Variants in ZNF835 observed in about 807,000 individuals in gnomAD.
ZNF835 encodes the protein zinc finger protein 835.
For synonymous variants in ZNF835, 323 were observed against 324.7 expected (o/e 0.99, Z 0.06); for missense variants, 783 against 758.4 (o/e 1.03, Z -0.38).
Position 56,663,862 on chromosome 19 carries a change from TA to T in ZNF835, c.1336del (p.Tyr446ThrfsTer16). ...GGCCTTGCCGCACTCGGGGCAGGTG[TA>T]GGGCCGCTCGCCCGTGTGCGTGCGC... ...HQRTHTGERPYTCPECGKAFS... is the reference protein window; with the variant it reads ...HQRTHTGERPXTCPECGKAFS... On this transcript the variant is annotated frameshift_variant, in exon 2 of 2. Transcript: ENST00000537055. LOFTEE classifies it low-confidence loss of function (END_TRUNC). The T allele has an allele frequency of 6.2e-7, 1 of 1,613,284 alleles. No individual in the cohort carries two copies. The highest frequency in any genetic ancestry group is 8.5e-7 in the Non-Finnish European group (1 of 1,179,834).
Position 56,663,606 on chromosome 19 carries a change from C to G in ZNF835, c.1593G>C (p.Pro531=). ...TCQQGCPGRN[P]RGPAED ...GCTCTTAATCTTCTGCTGGTCCACG[C>G]GGGTTTCTGCCAGGGCACCCCTGTT... Residue 531 remains proline (P), a synonymous_variant, in exon 2 of 2, where the codon CCG becomes CCC. Coordinates refer to ENST00000537055, the MANE Select transcript of ZNF835 (RefSeq NM_001005850.3). 6.2e-7 allele frequency: 1 copy of G among 1,614,014 alleles called. No individual in the cohort carries two copies. Among genetic ancestry groups the G allele is most frequent in the South Asian group, 1.1e-5 (1 of 91,090 alleles).
rs1450720043 is a variant in ZNF835, at chr19:56,664,998, A to G, written c.201T>C (p.Pro67=). Residue 67 remains proline, a synonymous_variant, in exon 2 of 2, where the codon CCT becomes CCC. Coordinates refer to ENST00000537055, the MANE Select transcript of ZNF835 (RefSeq NM_001005850.3). ...FSRIPRTISS[P]AATQASVPDD... is the part of the protein sequence containing the mutation. ...CGGGGACACTGGCTTGGGTAGCAGC[A>G]GGGCTCGATATGGTTCTTGGGATTC... 6.2e-7 allele frequency: 1 copy of G among 1,614,040 alleles called. No individual in the cohort carries two copies. The highest frequency in any genetic ancestry group is 8.5e-7 in the Non-Finnish European group (1 of 1,179,890).
At chr19:56,666,003 A>C (rs1184829379) in intron 1 of ZNF835, among the ~76,000 whole-genome samples, 1 of 149,318 alleles carries the variant, frequency 6.7e-6, no homozygotes, top group Non-Finnish European at 1.5e-5. Flanking sequence ...GTGCCCCCTC[A>C]AAATTTATAC....
At chr19:56,670,642 C>A (rs2148059696) in intron 1 of ZNF835, among the ~76,000 whole-genome samples, 1 of 152,338 alleles carries the variant, frequency 6.6e-6, no homozygotes, top group Non-Finnish European at 1.5e-5. Flanking sequence ...TGGGACACAC[C>A]CACAGGGGAT....
rs2045227451 is a variant in ZNF835 at position 56,664,679 on chromosome 19, C to T, written c.520G>A (p.Ala174Thr). 1.2e-6 allele frequency: 2 copies of T among 1,611,702 alleles called. No homozygotes were observed. The highest frequency in any genetic ancestry group is 1.7e-6 in the Non-Finnish European group (2 of 1,179,032). The change falls in exon 2 of 2, where the codon GCC (alanine) becomes ACC (threonine). Residue 174 changes from alanine (A) to threonine (T), a missense_variant. Coordinates refer to ENST00000537055, the MANE Select transcript of ZNF835 (RefSeq NM_001005850.3). ...KPYACHECGKAFSQGSYLASH... is the reference protein window; with the variant it reads ...KPYACHECGKTFSQGSYLASH... ...GCCAGGTACGAGCCCTGGCTGAAGGCCTTGCCGCACTCGTGGCAGGCGTAG... is the reference window on the plus strand; with the variant it reads ...GCCAGGTACGAGCCCTGGCTGAAGGTCTTGCCGCACTCGTGGCAGGCGTAG...
rs2045235232 is a variant in ZNF835 at position 56,665,174 on chromosome 19, G to T, written c.25C>A (p.Leu9Ile). The T allele has an allele frequency of 6.2e-7, 1 of 1,613,870 alleles. No homozygotes were observed. The highest frequency in any genetic ancestry group is 1.3e-5 in the African/African-American group (1 of 74,924). Residue 9 changes from leucine to isoleucine, a missense_variant, in exon 2 of 2, where the codon CTC becomes ATC. By Grantham distance (5) the Leu-to-Ile change is conservative. Coordinates refer to ENST00000537055, the MANE Select transcript of ZNF835 (RefSeq NM_001005850.3). MEGLLSVA[L>I]QGAELEGNWK... ...TTTCCTTCCAACTCTGCGCCCTGGA[G>T]GGCGACGCTCAAGAGTCCCTCCATC...
chr19:56,667,736 G>A (rs2045257860), intron 1 of ZNF835, among the ~76,000 whole-genome samples: 2 of 152,154 alleles, frequency 1.3e-5, no homozygotes, highest in Admixed American at 1.3e-4. Flanking sequence ...TAGGAGGTGG[G>A]GCCTCTGGGA....
At position 56,665,077 on chromosome 19, in the gene ZNF835, G is replaced by A. The variant is rs376664743; in HGVS notation, c.122C>T (p.Ala41Val). Residue 41 changes from alanine (A) to valine (V), a missense_variant, in exon 2 of 2, where the codon GCC becomes GTC. By Grantham distance (64) the Ala-to-Val change is moderately conservative (BLOSUM62 0). Transcript: ENST00000537055. ...QESCPEPEAV[A>V]CKGDPAGDSM... Reference sequence around the variant, plus strand: ...GTCCCCAGCAGGGTCTCCCTTGCAGGCCACGGCCTCTGGCTCTGGACAGCT... The same window carrying A: ...GTCCCCAGCAGGGTCTCCCTTGCAGACCACGGCCTCTGGCTCTGGACAGCT... 5.0e-6 allele frequency: 8 copies of A among 1,613,822 alleles called. No homozygotes were observed. Among genetic ancestry groups the A allele is most frequent in the Non-Finnish European group, 6.8e-6 (8 of 1,179,890 alleles).
At position 56,664,770 on chromosome 19, in the gene ZNF835, G is replaced by T. The variant is rs2045228979; in HGVS notation, c.429C>A (p.Cys143Ter). ...GCACGCTCTGGCTGAAGGCCTTGCC[G>T]CACTCGGGGCACGCAAATGGCTTCT... ...TGEKPFACPE[C>*]GKAFSQSVHL... The change falls in exon 2 of 2, where the codon TGC becomes TGA. Residue 143 changes from cysteine (C) to a stop codon, truncating the protein, a stop_gained. Transcript: ENST00000537055. LOFTEE classifies it low-confidence loss of function (END_TRUNC). The T allele has an allele frequency of 1.2e-6, 2 of 1,614,176 alleles. No homozygotes were observed. Among genetic ancestry groups the T allele is most frequent in the Non-Finnish European group, 1.7e-6 (2 of 1,180,018 alleles).
In ZNF835 at chr19:56,664,497, G is replaced by C; in HGVS notation, c.702C>G (p.Arg234=). ...TGCGCTGGTGCTCTATCAGGGACGAGCGGTTGCGGAACGCCTTGGCGCACT... is the reference window on the plus strand; with the variant it reads ...TGCGCTGGTGCTCTATCAGGGACGACCGGTTGCGGAACGCCTTGGCGCACT... ...CAQCAKAFRN[R]SSLIEHQRIH... Residue 234 remains arginine, a synonymous_variant, in exon 2 of 2, where the codon CGC becomes CGG. Transcript: ENST00000537055. 6.2e-7 allele frequency: 1 copy of C among 1,609,646 alleles called. No individual in the cohort carries two copies. Among genetic ancestry groups the C allele is most frequent in the Non-Finnish European group, 8.5e-7 (1 of 1,178,462 alleles).
intron 1 of ZNF835, 55 bp from the exon 2 acceptor site, chr19:56,665,300 GA>G: frequency 4.0e-6 from 6 of 1,490,320 alleles, no homozygotes; most frequent in Admixed American, 1.8e-5. Flanking sequence ...TCCTGAGCTG[GA>G]AAAATGGCTA....
In ZNF835 at chr19:56,665,216, C is replaced by T; in HGVS notation, c.-18G>A. 6.2e-7 allele frequency: 1 copy of T among 1,612,828 alleles called. No individual in the cohort carries two copies. The highest frequency in any genetic ancestry group is 1.3e-5 in the African/African-American group (1 of 74,924). On this transcript the variant is annotated 5_prime_UTR_variant, in exon 2 of 2. Transcript: ENST00000537055. ...CCCTCCATCCTCGATCCCTGGGCTG[C>T]TGTCTTGATCTCACATCTTTTCTCT...
rs960579467 is a variant in ZNF835, at chr19:56,662,420, C to T, written c.*1165G>A. ...AGCTGACTGATACAAGCATTAAAGT[C>T]AGGTCTTTGAGTTAGGGGGAAAAAT... On this transcript the variant is annotated 3_prime_UTR_variant, in exon 2 of 2. Coordinates refer to ENST00000537055, the MANE Select transcript of ZNF835 (RefSeq NM_001005850.3). The T allele has an allele frequency of 3.9e-5, 6 of 152,196 alleles. No individual in the cohort carries two copies. The highest frequency in any genetic ancestry group is 1.4e-4 in the African/African-American group (6 of 41,450). The allele number at this position is 152,196 out of a possible 1,614,324, so 9.4% of individuals were successfully genotyped here.
chr19:56,666,898 C>T (rs1465400022), intron 1 of ZNF835, among the ~76,000 whole-genome samples: 1 of 152,180 alleles, frequency 6.6e-6, no homozygotes, highest in South Asian at 2.1e-4. Context: ...AATCAGCCAA[C>T]AGTGATCCCA....
intron 1 of ZNF835, among the ~76,000 whole-genome samples, chr19:56,666,125 T>C (rs2045243923): frequency 6.6e-6 from 1 of 152,150 alleles, no homozygotes; most frequent in East Asian, 1.9e-4. Context: ...CTGTTTTATT[T>C]TTTTTTTGAC....
chr19:56,663,926 T>C lies in ZNF835; in HGVS notation c.1273A>G (p.Lys425Glu). 6.2e-7 allele frequency: 1 copy of C among 1,609,844 alleles called. No homozygotes were observed. Among genetic ancestry groups the C allele is most frequent in the Non-Finnish European group, 8.5e-7 (1 of 1,177,716 alleles). The change falls in exon 2 of 2, where the codon AAA (lysine) becomes GAA (glutamate). Residue 425 changes from lysine (K) to glutamate (E), a missense_variant. Coordinates refer to ENST00000537055, the MANE Select transcript of ZNF835 (RefSeq NM_001005850.3). ...ERPYKCGECG[K>E]AFSQGSSLAL... ...AGCGAGGAGCCCTGGCTGAAAGCTT[T>C]GCCGCACTCGCCGCACTTGTAGGGC...
At position 56,665,202 on chromosome 19, in the gene ZNF835, C is replaced by T. The variant is rs1003840604; in HGVS notation, c.-4G>A. 6 of 1,613,748 alleles carry T rather than the reference C, an allele frequency of 3.7e-6. No individual in the cohort carries two copies. Among genetic ancestry groups the T allele is most frequent in the Admixed American group, 3.3e-5 (2 of 59,998 alleles). ...CGACGCTCAAGAGTCCCTCCATCCT[C>T]GATCCCTGGGCTGCTGTCTTGATCT... On this transcript the variant is annotated 5_prime_UTR_variant, in exon 2 of 2. Transcript: ENST00000537055.
Position 56,665,199 on chromosome 19 carries a change from C to T in ZNF835, c.-1G>A. 1 of 1,613,954 alleles carries T rather than the reference C, an allele frequency of 6.2e-7. No individual in the cohort carries two copies. Among genetic ancestry groups the T allele is most frequent in the East Asian group, 2.2e-5 (1 of 44,872 alleles). ...GGGCGACGCTCAAGAGTCCCTCCAT[C>T]CTCGATCCCTGGGCTGCTGTCTTGA... On this transcript the variant is annotated 5_prime_UTR_variant, in exon 2 of 2. Coordinates refer to ENST00000537055, the MANE Select transcript of ZNF835 (RefSeq NM_001005850.3).
At chr19:56,670,727 A>G (rs1427254153) in intron 1 of ZNF835, among the ~76,000 whole-genome samples, 1 of 152,218 alleles carries the variant, frequency 6.6e-6, no homozygotes, top group East Asian at 1.9e-4. Flanking sequence ...CAGCGTCTCC[A>G]TCATGTGCAG....
Sources: gnomAD v4.1 joint callset for allele counts (sites outside exome capture counted in the v4.1 genomes callset) on GRCh38, gnomAD v4.1.1 for gene constraint, MANE v1.5 for transcripts, NCBI Gene and HGNC (gene_info 2026-07-23, HGNC 2026-07-21) for gene names.